Variants in PCSK6 observed in about 807,000 individuals in gnomAD.
PCSK6 encodes proprotein convertase subtilisin/kexin type 6, also known as paired basic amino acid cleaving enzyme 4.
Under a neutral mutation model 123.3 loss-of-function variants are expected in PCSK6, and 85 were observed. That is an observed-to-expected ratio of 0.69 (90% CI 0.58 to 0.83). The LOEUF is 0.83. Among genes scored for constraint, PCSK6 ranks in the 40% least tolerant of loss-of-function variants. PCSK6 has a pLI of 0.00. For synonymous variants in PCSK6, 508 were observed against 516.0 expected, an observed-to-expected ratio of 0.98 and a Z score of 0.21; for missense variants, 1,191 against 1,282.3, an observed-to-expected ratio of 0.93 and a Z score of 1.09.
chr15:101,477,145 T>C lies in PCSK6; in HGVS notation c.297+12229A>G, dbSNP rs117554711. On this transcript the variant is annotated intron_variant, in intron 1 of 21. Coordinates refer to ENST00000611716, the MANE Select transcript of PCSK6 (RefSeq NM_002570.5). Reference sequence around the variant, plus strand: ...TACGCCAAGGTACACTGAGCAGCCATTACAAGTTACGCCATAGAAGACTTA... The same window carrying C: ...TACGCCAAGGTACACTGAGCAGCCACTACAAGTTACGCCATAGAAGACTTA... 1.2e-3 allele frequency among the ~76,000 whole-genome samples: 188 copies of C among 152,320 alleles called. 1 individual carries two copies. In the East Asian group the frequency reaches 0.031, roughly 25 times the overall value.
At position 101,420,900 on chromosome 15, in the gene PCSK6, C is replaced by T. The variant is rs1341244398; in HGVS notation, c.823+6992G>A. 3.9e-5 allele frequency among the ~76,000 whole-genome samples: 6 copies of T among 152,174 alleles called. No homozygotes were observed. In the East Asian group the frequency reaches 9.6e-4, roughly 24 times the overall value. On this transcript the variant is annotated intron_variant, in intron 6 of 21. Coordinates refer to ENST00000611716, the MANE Select transcript of PCSK6 (RefSeq NM_002570.5). ...TCTCCCCAGGGTAGGTGCTAATGCA[C>T]CTGAAGGCAACACACCTAGGGAAAC...
chr15:101,393,350 G>A lies in PCSK6; in HGVS notation c.1071C>T (p.Cys357=), dbSNP rs572692959. 1.9e-5 allele frequency: 30 copies of A among 1,607,500 alleles called. No individual in the cohort carries two copies. The East Asian group carries it at 3.6e-4, about 19-fold the overall frequency. ...NGGREGDYCS[C]DGYTNSIYTI... ...TGTAGATGCTGTTGGTGTAGCCATC[G>A]CACGAGCAGTAGTCCCCCTCTCTCC... is the stretch of plus-strand genomic sequence containing the variant. The change falls in exon 8 of 22, where the codon TGC becomes TGT. Residue 357 remains cysteine, a synonymous_variant. Coordinates refer to ENST00000611716, the MANE Select transcript of PCSK6 (RefSeq NM_002570.5).
chr15:101,325,490 C>T (rs76347998), intron 16 of PCSK6, among the ~76,000 whole-genome samples: 4,114 of 152,272 alleles, frequency 0.027, 166 homozygotes, highest in African/African-American at 0.091. Flanking sequence ...CATGGGCACC[C>T]GGCTTGACCT....
intron 1 of PCSK6, among the ~76,000 whole-genome samples, chr15:101,487,769 C>T (rs2058052932): frequency 6.6e-6 from 1 of 152,134 alleles, no homozygotes; most frequent in Non-Finnish European, 1.5e-5. Flanking sequence ...CTTCTTCAGC[C>T]TGGACAATCA....
chr15:101,365,939 T>C, intron 13 of PCSK6: 1 of 314,142 alleles, frequency 3.2e-6, no homozygotes, highest in Non-Finnish European at 5.8e-6. Context: ...GCTTCATGGG[T>C]ATGGGGTTTC....
At chr15:101,334,009 A>C (rs1042816065) in intron 13 of PCSK6, among the ~76,000 whole-genome samples, 1 of 152,224 alleles carries the variant, frequency 6.6e-6, no homozygotes, top group African/African-American at 2.4e-5. Context: ...CTTAGCCTGG[A>C]CAGGGCCGGA....
chr15:101,333,566 C>T (rs1163147698), intron 13 of PCSK6, among the ~76,000 whole-genome samples: 1 of 152,252 alleles, frequency 6.6e-6, no homozygotes, highest in Non-Finnish European at 1.5e-5. Context: ...TTTCTCAACA[C>T]TTACCTCTGC....
intron 6 of PCSK6, among the ~76,000 whole-genome samples, chr15:101,412,698 T>TAC (rs1358506036): frequency 7.3e-6 from 1 of 136,240 alleles, no homozygotes; most frequent in Non-Finnish European, 1.5e-5. Context: ...AAATTATATA[T>TAC]ATATATATAT....
At chr15:101,481,135 G>C (rs2412007) in intron 1 of PCSK6, among the ~76,000 whole-genome samples, 2 of 152,088 alleles carry the variant, frequency 1.3e-5, no homozygotes, top group African/African-American at 4.8e-5. Context: ...GCCTAACTTT[G>C]GGCTGACTCA....
chr15:101,455,185 C>A (rs114791040), intron 1 of PCSK6, among the ~76,000 whole-genome samples: 1,872 of 152,274 alleles, frequency 0.012, 31 homozygotes, highest in African/African-American at 0.038. Context: ...CTCTCCTCTG[C>A]ATTCTGTCCC....
chr15:101,381,055 T>C (rs2041897954), intron 11 of PCSK6, among the ~76,000 whole-genome samples: 1 of 123,960 alleles, frequency 8.1e-6, no homozygotes, highest in South Asian at 3.0e-4. Flanking sequence ...TTATGGCTGC[T>C]TTTTTTTTTT....
Position 101,332,042 on chromosome 15 carries a change from C to A in PCSK6, c.1859-11G>T, listed in dbSNP as rs748120791. ...ATTCTTTCAACTTCCCTGGAAGGCA[C>A]CAAACCCACAGAGTTACCTGCCTGT... On this transcript the variant is annotated splice_polypyrimidine_tract_variant and intron_variant, in intron 13 of 21. Coordinates refer to ENST00000611716, the MANE Select transcript of PCSK6 (RefSeq NM_002570.5). The A allele has an allele frequency of 1.9e-5, 30 of 1,582,424 alleles. No homozygotes were observed. The Admixed American group carries it at 5.1e-4, about 27-fold the overall frequency.
intron 1 of PCSK6, 61 bp from the exon 2 acceptor site, chr15:101,443,721 T>C (rs915358751): frequency 1.7e-5 from 21 of 1,216,826 alleles, no homozygotes; most frequent in Non-Finnish European, 2.3e-5. Context: ...TCCAAAATCT[T>C]CCACCCCACA....
At chr15:101,447,258 G>A (rs1222942903) in intron 1 of PCSK6, among the ~76,000 whole-genome samples, 1 of 152,112 alleles carries the variant, frequency 6.6e-6, no homozygotes, top group Non-Finnish European at 1.5e-5. Context: ...GGGACAGGAT[G>A]CCAGGCTGTG....
intron 1 of PCSK6, among the ~76,000 whole-genome samples, chr15:101,475,002 C>G (rs117682534): frequency 7.9e-5 from 12 of 152,352 alleles, no homozygotes; most frequent in Non-Finnish European, 1.8e-4. Flanking sequence ...AACACACCCC[C>G]ACTTCCCATT....
intron 13 of PCSK6, chr15:101,347,110 T>A (rs957259934): frequency 4.9e-6 from 6 of 1,231,358 alleles, no homozygotes; most frequent in Non-Finnish European, 6.1e-6. Flanking sequence ...GAAGTGGGAG[T>A]GATACTCTAT....
intron 1 of PCSK6, among the ~76,000 whole-genome samples, chr15:101,484,064 A>G (rs4965882): frequency 0.44 from 66,806 of 152,008 alleles, 15,328 homozygotes; most frequent in East Asian, 0.75. Flanking sequence ...TATATATTAT[A>G]CGTGTGTATA....
intron 1 of PCSK6, among the ~76,000 whole-genome samples, chr15:101,450,762 C>G (rs1349521833): frequency 6.6e-6 from 1 of 152,144 alleles, no homozygotes; most frequent in Non-Finnish European, 1.5e-5. Context: ...TGTCTTTGAG[C>G]TCTCTCTCAG....
intron 2 of PCSK6, among the ~76,000 whole-genome samples, chr15:101,437,840 G>A (rs186643297): frequency 1.8e-3 from 279 of 152,322 alleles, no homozygotes; most frequent in African/African-American, 6.4e-3. Flanking sequence ...CCTATTGTTA[G>A]GGGCTGACCT....
Sources: allele counts gnomAD v4.1 joint callset (sites outside exome capture counted in the v4.1 genomes callset), GRCh38; gene constraint gnomAD v4.1.1; transcripts MANE v1.5; gene names NCBI Gene and HGNC (gene_info 2026-07-23, HGNC 2026-07-21).